Variants in PHKB observed in about 807,000 individuals in gnomAD.
PHKB encodes phosphorylase kinase regulatory subunit beta.
Under a neutral mutation model 152.1 loss-of-function variants are expected in PHKB, and 122 were observed. The observed-to-expected ratio is 0.80, with a 90% CI of 0.69 to 0.93. The LOEUF is 0.93. Ranked by LOEUF, PHKB falls within the 40% of genes least tolerant of loss-of-function variation. The pLI is 0.00. For missense variants in PHKB, 1,304 were observed against 1,328.4 expected (o/e 0.98, Z 0.29); for synonymous variants, 436 against 464.9 (o/e 0.94, Z 0.80).
chr16:47,463,947 C>CA (rs1367224911), intron 1 of PHKB: 1 of 1,613,966 alleles, frequency 6.2e-7, no homozygotes, highest in Non-Finnish European at 8.5e-7. Context: ...AAATGGCCTG[C>CA]TCACCTGATG....
intron 7 of PHKB, among the ~76,000 whole-genome samples, chr16:47,570,479 G>A (rs192112929): frequency 1.3e-5 from 2 of 151,994 alleles, no homozygotes; most frequent in African/African-American, 4.8e-5. Flanking sequence ...TTGTTTCTTT[G>A]TATTCTTTTT....
intron 8 of PHKB, among the ~76,000 whole-genome samples, chr16:47,585,020 T>G (rs1172439304): frequency 6.6e-6 from 1 of 152,192 alleles, no homozygotes; most frequent in Admixed American, 6.5e-5. Flanking sequence ...GGAAGTGCAG[T>G]GCAGCCCTTC....
chr16:47,533,568 C>T (rs1970899712), intron 6 of PHKB, among the ~76,000 whole-genome samples: 1 of 152,198 alleles, frequency 6.6e-6, no homozygotes, highest in South Asian at 2.1e-4. Context: ...CTGCAGGGGG[C>T]TGGCATGTTT....
At chr16:47,544,382 A>G (rs1971120412) in intron 6 of PHKB, among the ~76,000 whole-genome samples, 1 of 152,102 alleles carries the variant, frequency 6.6e-6, no homozygotes, top group African/African-American at 2.4e-5. Flanking sequence ...TTCAGTTTCC[A>G]TGTAGTTGTG....
chr16:47,625,183 A>G (rs942638176), intron 14 of PHKB, among the ~76,000 whole-genome samples: 19 of 151,984 alleles, frequency 1.3e-4, no homozygotes, highest in Admixed American at 8.5e-4. Context: ...CCATATGTCT[A>G]CTCTGCCCCG....
intron 1 of PHKB, among the ~76,000 whole-genome samples, chr16:47,487,992 T>A (rs929852381): frequency 2.0e-5 from 3 of 152,214 alleles, no homozygotes; most frequent in Non-Finnish European, 4.4e-5. Flanking sequence ...TAGTTCTAAG[T>A]TCTTTGAGAC....
chr16:47,577,648 G>GT (rs957974459), intron 7 of PHKB, among the ~76,000 whole-genome samples: 1 of 152,004 alleles, frequency 6.6e-6, no homozygotes, highest in African/African-American at 2.4e-5. Context: ...TGAGTGGGTA[G>GT]TTTTTTTCTT....
At chr16:47,515,669 TTCACAACTTA>T in intron 6 of PHKB, 68 bp downstream of exon 6, 1 of 758,910 alleles carries the variant, frequency 1.3e-6, no homozygotes, top group Non-Finnish European at 2.4e-6. Context: ...TTTTTTAGTT[TTCACAACTTA>T]TTTTTAGTTT....
At position 47,503,082 on chromosome 16, in the gene PHKB, G is replaced by A. The variant is rs1451877078; in HGVS notation, c.397G>A (p.Ala133Thr). The A allele has an allele frequency of 6.3e-7, 1 of 1,597,434 alleles. No individual in the cohort carries two copies. The highest frequency in any genetic ancestry group is 1.1e-5 in the South Asian group (1 of 90,712). ...RGILYCYMRQ[A>T]DKVQQFKQDP... Reference sequence around the variant, plus strand: ...AATTCTCTACTGCTATATGCGTCAGGCCGATAAGGTAAAACATTGTGGTGT... The same window carrying A: ...AATTCTCTACTGCTATATGCGTCAGACCGATAAGGTAAAACATTGTGGTGT... The change falls in exon 4 of 31, where the codon GCC (alanine) becomes ACC (threonine). Residue 133 changes from alanine to threonine, a missense_variant. Coordinates refer to ENST00000323584, the MANE Select transcript of PHKB (RefSeq NM_000293.3).
At chr16:47,524,061 A>G (rs552228108) in intron 6 of PHKB, among the ~76,000 whole-genome samples, 26 of 152,270 alleles carry the variant, frequency 1.7e-4, no homozygotes, top group African/African-American at 5.8e-4. Context: ...AGCTCACTCT[A>G]CTTAGTGAGG....
chr16:47,527,143 C>T (rs1383993775), intron 6 of PHKB, among the ~76,000 whole-genome samples: 1 of 152,164 alleles, frequency 6.6e-6, no homozygotes, highest in Admixed American at 6.5e-5. Flanking sequence ...CAGGTCCCAC[C>T]TCCAACACTG....
chr16:47,599,351 G>T (rs992349017), intron 13 of PHKB, among the ~76,000 whole-genome samples: 3 of 152,090 alleles, frequency 2.0e-5, no homozygotes, highest in East Asian at 3.9e-4. Flanking sequence ...TCCAGCCTGG[G>T]TTTAGTACAA....
chr16:47,665,953 G>A lies in PHKB; in HGVS notation c.2427+978G>A, dbSNP rs1555497423. On this transcript the variant is annotated intron_variant, in intron 25 of 30. Coordinates refer to ENST00000323584, the MANE Select transcript of PHKB (RefSeq NM_000293.3). ...TTCTTTGCCCCCAGGTCGGTTGTAC[G>A]CCGTGCAGCAAGTCTTTTAAGTAAA... 6.8e-6 allele frequency: 11 copies of A among 1,613,624 alleles called. No homozygotes were observed. In the South Asian group the frequency reaches 8.8e-5, roughly 13 times the overall value.
intron 1 of PHKB, among the ~76,000 whole-genome samples, chr16:47,481,491 A>T (rs535263502): frequency 6.6e-6 from 1 of 152,252 alleles, no homozygotes; most frequent in South Asian, 2.1e-4. Flanking sequence ...AAAATTACTG[A>T]TTATTTAATT....
At chr16:47,674,989 G>A (rs1973701764) in intron 26 of PHKB, among the ~76,000 whole-genome samples, 1 of 152,200 alleles carries the variant, frequency 6.6e-6, no homozygotes, top group Non-Finnish European at 1.5e-5. Flanking sequence ...TAACTTAAGT[G>A]ACTATCTCAG....
intron 7 of PHKB, chr16:47,561,977 A>G (rs1186678678): frequency 2.0e-5 from 3 of 151,998 alleles, no homozygotes; most frequent in African/African-American, 7.3e-5. Context: ...AGGGGTGGGT[A>G]TGTTGTCATT....
At position 47,640,321 on chromosome 16, in the gene PHKB, T is replaced by C. The variant is rs148450912; in HGVS notation, c.1459-714T>C. On this transcript the variant is annotated intron_variant, in intron 14 of 30. Coordinates refer to ENST00000323584, the MANE Select transcript of PHKB (RefSeq NM_000293.3). ...CCCTAATACTGTAATTTATTGGTGCTTCTTAATGTTCTCTGTTAATTATAT... is the reference window on the plus strand; with the variant it reads ...CCCTAATACTGTAATTTATTGGTGCCTCTTAATGTTCTCTGTTAATTATAT... Among the ~76,000 whole-genome samples the C allele has an allele frequency of 9.3e-4, 142 of 152,352 alleles. 1 individual carries two copies. The highest frequency in any genetic ancestry group is 3.3e-3 in the African/African-American group (136 of 41,594).
At position 47,481,288 on chromosome 16, in the gene PHKB, A is replaced by T. The variant is rs540804711; in HGVS notation, c.77-16111A>T. Among the ~76,000 whole-genome samples the T allele has an allele frequency of 1.1e-3, 163 of 152,340 alleles. 4 individuals are homozygous for T. In the South Asian group the frequency reaches 0.032, roughly 30 times the overall value. ...AGACTTATTAGCATCACTCCTGTGT[A>T]GCACAGGGTCATATTTTATTGGCGC... On this transcript the variant is annotated intron_variant, in intron 1 of 30. Coordinates refer to ENST00000323584, the MANE Select transcript of PHKB (RefSeq NM_000293.3).
intron 26 of PHKB, among the ~76,000 whole-genome samples, chr16:47,671,428 A>T (rs1302341226): frequency 1.3e-5 from 2 of 152,152 alleles, no homozygotes; most frequent in African/African-American, 4.8e-5. Flanking sequence ...TAATAGAAAT[A>T]TATATTTCAT....
Sources: allele counts gnomAD v4.1 joint callset (sites outside exome capture counted in the v4.1 genomes callset), GRCh38; gene constraint gnomAD v4.1.1; transcripts MANE v1.5; gene names NCBI Gene and HGNC (gene_info 2026-07-23, HGNC 2026-07-21).